GALNT18: variants seen among roughly 807,000 people sequenced by gnomAD.
GALNT18 encodes the protein GalNAc-transferase 18.
GALNT18 carries 44 observed loss-of-function variants against 69.5 expected under a neutral mutation model. The observed-to-expected ratio is 0.63, with a 90% CI of 0.50 to 0.81. The LOEUF (loss-of-function observed/expected upper bound fraction) is 0.81, where lower values mean the gene tolerates loss of function less well. Ranked by LOEUF, GALNT18 falls within the 40% of genes least tolerant of loss-of-function variation. GALNT18 has a pLI of 0.00. For synonymous variants in GALNT18, 364 were observed against 318.2 expected (o/e 1.14, Z -1.53); for missense variants, 715 against 810.0 (o/e 0.88, Z 1.42).
At chr11:11,560,098 A>ATAGAATGGGATATGATGGGATGGCG (rs1858446337) in intron 1 of GALNT18, among the ~76,000 whole-genome samples, 10 of 150,942 alleles carry the variant, frequency 6.6e-5, no homozygotes, top group South Asian at 2.1e-4. Flanking sequence ...GCGGGATGGA[A>ATAGAATGGGATATGATGGGATGGCG]TGGAATAGAA....
At chr11:11,367,445 G>A (rs1334947650) in intron 6 of GALNT18, among the ~76,000 whole-genome samples, 2 of 152,192 alleles carry the variant, frequency 1.3e-5, no homozygotes, top group African/African-American at 4.8e-5. Flanking sequence ...GTTCAAGTGG[G>A]TGTCTTTCCA....
At position 11,436,318 on chromosome 11, in the gene GALNT18, C is replaced by A. The variant is rs969725574; in HGVS notation, c.429-3531G>T. On this transcript the variant is annotated intron_variant, in intron 2 of 10. Coordinates refer to ENST00000227756, the MANE Select transcript of GALNT18 (RefSeq NM_198516.3). The surrounding 1 kb of genome is among the most constrained non-coding windows in gnomAD (Gnocchi z 4.5). ...ACAAGATTGAGGCTCTTCTATCTTA[C>A]GTTTTCCAACTTCCCCTCCCTCCCA... 6.6e-6 allele frequency among the ~76,000 whole-genome samples: 1 copy of A among 152,186 alleles called. No individual in the cohort carries two copies. The highest frequency in any genetic ancestry group is 1.5e-5 in the Non-Finnish European group (1 of 68,030).
intron 1 of GALNT18, among the ~76,000 whole-genome samples, chr11:11,468,046 A>T (rs367663300): frequency 6.6e-6 from 1 of 152,244 alleles, no homozygotes; most frequent in East Asian, 1.9e-4. Flanking sequence ...AACTAGAAAC[A>T]TCTCAAATCT....
chr11:11,557,916 T>C (rs978047835), intron 1 of GALNT18, among the ~76,000 whole-genome samples: 11 of 152,188 alleles, frequency 7.2e-5, no homozygotes, highest in South Asian at 4.1e-4. Flanking sequence ...AGCTGATTAT[T>C]TGTCAAACTC....
chr11:11,323,676 G>C (rs983138208), intron 9 of GALNT18, among the ~76,000 whole-genome samples: 3 of 152,200 alleles, frequency 2.0e-5, no homozygotes, highest in African/African-American at 7.2e-5. Flanking sequence ...CACATTCACA[G>C]CCAAATAGCT....
chr11:11,397,376 A>G (rs1174024049), intron 3 of GALNT18, among the ~76,000 whole-genome samples: 1 of 152,158 alleles, frequency 6.6e-6, no homozygotes, highest in Non-Finnish European at 1.5e-5. Context: ...AGATTCTCAA[A>G]ACCAAAATTC....
At chr11:11,365,534 A>G (rs1850745549) in intron 6 of GALNT18, among the ~76,000 whole-genome samples, 1 of 152,176 alleles carries the variant, frequency 6.6e-6, no homozygotes, top group Non-Finnish European at 1.5e-5. Context: ...GCTGGATCAA[A>G]TGGTGTTTCT....
At chr11:11,292,540 G>T (rs779445017) in intron 10 of GALNT18, among the ~76,000 whole-genome samples, 1 of 152,188 alleles carries the variant, frequency 6.6e-6, no homozygotes, top group Non-Finnish European at 1.5e-5. Flanking sequence ...AATACTGCGT[G>T]GAAGGCAGAG....
chr11:11,612,064 T>C (rs1590139570), intron 1 of GALNT18, among the ~76,000 whole-genome samples: 1 of 152,142 alleles, frequency 6.6e-6, no homozygotes, highest in African/African-American at 2.4e-5. Flanking sequence ...TCCTTCCTAT[T>C]CTGTAGAGAG....
At chr11:11,506,353 C>A (rs1382623739) in intron 1 of GALNT18, among the ~76,000 whole-genome samples, 1 of 152,140 alleles carries the variant, frequency 6.6e-6, no homozygotes, top group East Asian at 1.9e-4. Context: ...CTTCTTTTTT[C>A]CTAAAGTGGG....
At chr11:11,559,491 CAT>C (rs1319556963) in intron 1 of GALNT18, among the ~76,000 whole-genome samples, 1 of 152,160 alleles carries the variant, frequency 6.6e-6, no homozygotes, top group African/African-American at 2.4e-5. Flanking sequence ...TCTACAATCT[CAT>C]GAGTGTTTAA....
chr11:11,349,229 G>A (rs543943701), intron 6 of GALNT18, among the ~76,000 whole-genome samples: 52 of 152,184 alleles, frequency 3.4e-4, no homozygotes, highest in South Asian at 1.5e-3. Context: ...TCTTGTTTCC[G>A]GTATTACGGA....
intron 1 of GALNT18, among the ~76,000 whole-genome samples, chr11:11,508,714 G>A (rs1857115453): frequency 6.6e-6 from 1 of 152,138 alleles, no homozygotes; most frequent in Non-Finnish European, 1.5e-5. Flanking sequence ...TAATGATAAT[G>A]AAGCCTTTGG....
intron 1 of GALNT18, among the ~76,000 whole-genome samples, chr11:11,576,516 A>G (rs1317370079): frequency 6.6e-6 from 1 of 152,226 alleles, no homozygotes; most frequent in Non-Finnish European, 1.5e-5. Context: ...CATGTACTCT[A>G]GGTCATCCCA....
At chr11:11,491,253 A>T (rs918281615) in intron 1 of GALNT18, among the ~76,000 whole-genome samples, 1 of 152,204 alleles carries the variant, frequency 6.6e-6, no homozygotes, top group Non-Finnish European at 1.5e-5. Flanking sequence ...CTTATAAGAC[A>T]TGTCCTATGA....
intron 10 of GALNT18, among the ~76,000 whole-genome samples, chr11:11,292,405 T>C (rs1352335250): frequency 6.6e-6 from 1 of 152,084 alleles, no homozygotes; most frequent in African/African-American, 2.4e-5. Flanking sequence ...AAGTCAAATA[T>C]GGGCCCCTGA....
In GALNT18 at chr11:11,593,187, C is replaced by T. The variant is rs139587744; in HGVS notation, c.235+28172G>A. Among the ~76,000 whole-genome samples, 112 of 152,304 alleles carry T rather than the reference C, an allele frequency of 7.4e-4. 1 individual carries two copies. Among genetic ancestry groups the T allele is most frequent in the African/African-American group, 2.4e-3 (100 of 41,556 alleles). On this transcript the variant is annotated intron_variant, in intron 1 of 10. Coordinates refer to ENST00000227756, the MANE Select transcript of GALNT18 (RefSeq NM_198516.3). Reference sequence around the variant, plus strand: ...CTCGGCCTCCCGCTTCGTTTTAAGTCTGTCCAATGCAGCTCCCTTTAGGCA... The same window carrying T: ...CTCGGCCTCCCGCTTCGTTTTAAGTTTGTCCAATGCAGCTCCCTTTAGGCA...
chr11:11,547,234 C>T (rs573702704), intron 1 of GALNT18, among the ~76,000 whole-genome samples: 1 of 151,908 alleles, frequency 6.6e-6, no homozygotes, highest in Non-Finnish European at 1.5e-5. Context: ...GACCCAGGTC[C>T]TCTAGCTTCT....
At chr11:11,559,372 C>T (rs1489334106) in intron 1 of GALNT18, among the ~76,000 whole-genome samples, 1 of 152,226 alleles carries the variant, frequency 6.6e-6, no homozygotes, top group African/African-American at 2.4e-5. Context: ...GTTTCCATCA[C>T]ACCCCAACTG....
Sources: gnomAD v4.1 joint callset for allele counts (sites outside exome capture counted in the v4.1 genomes callset) on GRCh38, gnomAD v4.1.1 for gene constraint, Gnocchi (gnomAD v3.1) non-coding constraint, MANE v1.5 for transcripts, NCBI Gene and HGNC (gene_info 2026-07-23, HGNC 2026-07-21) for gene names.